The following CTDSPL2 variants were observed in gnomAD, a reference collection of about 807,000 sequenced individuals.
CTDSPL2 encodes the protein CTD small phosphatase-like protein 2.
CTDSPL2 carries 5 observed loss-of-function variants against 60.0 expected under a neutral mutation model. That is an observed-to-expected ratio of 0.08 (90% CI 0.04 to 0.18). The LOEUF is 0.18. Ranked by LOEUF, CTDSPL2 falls within the 10% of genes least tolerant of loss-of-function variation. CTDSPL2 has a pLI of 1.00. For missense variants in CTDSPL2, 370 were observed against 548.8 expected, an observed-to-expected ratio of 0.67 and a Z score of 3.26; for synonymous variants, 186 against 189.3, an observed-to-expected ratio of 0.98 and a Z score of 0.14.
chr15:44,442,489 T>C (rs1354755906), intron 1 of CTDSPL2, among the ~76,000 whole-genome samples: 1 of 151,764 alleles, frequency 6.6e-6, no homozygotes, highest in East Asian at 1.9e-4. Flanking sequence ...AGTCTGGAAT[T>C]AAGATGAAGT....
At chr15:44,479,661 G>A (rs1595741522) in intron 2 of CTDSPL2, among the ~76,000 whole-genome samples, 2 of 151,716 alleles carry the variant, frequency 1.3e-5, no homozygotes, top group Admixed American at 1.3e-4. Context: ...CTCCTGCCTC[G>A]ACCTCCCAAC....
chr15:44,512,766 G>T (rs550224968), intron 8 of CTDSPL2, among the ~76,000 whole-genome samples: 2 of 152,258 alleles, frequency 1.3e-5, no homozygotes, highest in South Asian at 2.1e-4. Flanking sequence ...TTGAGGAGGG[G>T]TATGTGGTTT....
chr15:44,495,223 G>A (rs1389081962), intron 5 of CTDSPL2, among the ~76,000 whole-genome samples: 2 of 152,176 alleles, frequency 1.3e-5, no homozygotes, highest in African/African-American at 2.4e-5. Context: ...GCCTGCCTTG[G>A]CCTCCCAAAG....
chr15:44,472,191 C>A (rs183295445), intron 2 of CTDSPL2, among the ~76,000 whole-genome samples: 1 of 152,004 alleles, frequency 6.6e-6, no homozygotes, highest in African/African-American at 2.4e-5. Flanking sequence ...ATCTGTTTTC[C>A]GTTGTCTTGG....
At chr15:44,519,361 C>T (rs2081716881) in intron 11 of CTDSPL2, 66 bp downstream of exon 11, 1 of 1,286,014 alleles carries the variant, frequency 7.8e-7, no homozygotes, top group East Asian at 2.7e-5. Flanking sequence ...TGCTGCCAAA[C>T]AGAATATGAT....
At chr15:44,523,439 C>A (rs1175343980) in intron 12 of CTDSPL2, among the ~76,000 whole-genome samples, 1 of 133,010 alleles carries the variant, frequency 7.5e-6, no homozygotes, top group Admixed American at 7.9e-5. Context: ...TACATACATA[C>A]ATACATAAGC....
chr15:44,504,317 T>G (rs1413440073), intron 8 of CTDSPL2, among the ~76,000 whole-genome samples: 1 of 151,996 alleles, frequency 6.6e-6, no homozygotes, highest in Non-Finnish European at 1.5e-5. Context: ...GCCACTGCAC[T>G]CCAGCCTGGG....
intron 1 of CTDSPL2, among the ~76,000 whole-genome samples, chr15:44,434,447 A>C (rs141071900): frequency 0.015 from 2,332 of 152,320 alleles, 25 homozygotes; most frequent in Non-Finnish European, 0.024. Context: ...AGGCTGGAGT[A>C]CAATGGCACA....
chr15:44,480,473 G>T (rs1339698808), intron 2 of CTDSPL2, among the ~76,000 whole-genome samples: 1 of 151,996 alleles, frequency 6.6e-6, no homozygotes, highest in Non-Finnish European at 1.5e-5. Context: ...GTTGCCCATG[G>T]GTTTTTCTTG....
intron 1 of CTDSPL2, among the ~76,000 whole-genome samples, chr15:44,454,859 G>T (rs192740305): frequency 6.6e-6 from 1 of 152,170 alleles, no homozygotes; most frequent in Non-Finnish European, 1.5e-5. Context: ...GTCAGGTAGC[G>T]TAATGCCTCC....
chr15:44,434,101 T>C (rs924716910), intron 1 of CTDSPL2, among the ~76,000 whole-genome samples: 2 of 152,068 alleles, frequency 1.3e-5, no homozygotes, highest in East Asian at 1.9e-4. Context: ...TTTATTTTTT[T>C]CTTAAGAGAT....
chr15:44,499,789 C>A lies in CTDSPL2; in HGVS notation c.945C>A (p.Val315=). 1 of 1,606,578 alleles carries A rather than the reference C, an allele frequency of 6.2e-7. No homozygotes were observed. Among genetic ancestry groups the A allele is most frequent in the South Asian group, 1.1e-5 (1 of 90,586 alleles). The change falls in exon 8 of 13, where the codon GTC becomes GTA. Residue 315 remains valine (V), a synonymous_variant. Transcript: ENST00000260327. ...ELEDAALTFP[V]LFQDVIYQVY... is the part of the protein sequence containing the mutation. ...AAGATGCAGCACTTACTTTTCCAGT[C>A]CTTTTCCAAGATGTCATTTATCAGG...
chr15:44,492,659 C>T (rs370892629), intron 5 of CTDSPL2, among the ~76,000 whole-genome samples: 6 of 152,160 alleles, frequency 3.9e-5, no homozygotes, highest in African/African-American at 7.2e-5. Flanking sequence ...GTAATACCAA[C>T]GTGAAGAGAC....
At position 44,483,882 on chromosome 15, in the gene CTDSPL2, C is replaced by G. The variant is rs189105483; in HGVS notation, c.187-342C>G. 1.8e-3 allele frequency among the ~76,000 whole-genome samples: 277 copies of G among 152,268 alleles called. 2 individuals carry two copies. The highest frequency in any genetic ancestry group is 6.4e-3 in the African/African-American group (264 of 41,540). On this transcript the variant is annotated intron_variant, in intron 2 of 12. Transcript: ENST00000260327. ...CCTGAGTTGCTTAAGGAAATTATCT[C>G]TGTTCTTAAGGACACTTCTAAAAAT... is the stretch of plus-strand genomic sequence containing the variant.
chr15:44,433,802 A>C (rs2079913405), intron 1 of CTDSPL2, among the ~76,000 whole-genome samples: 1 of 151,998 alleles, frequency 6.6e-6, no homozygotes, highest in Non-Finnish European at 1.5e-5. Context: ...ATACAAAAAA[A>C]ATTAGCTGGG....
chr15:44,521,773 C>T (rs1392312171), intron 12 of CTDSPL2, among the ~76,000 whole-genome samples: 3 of 150,802 alleles, frequency 2.0e-5, no homozygotes, highest in Non-Finnish European at 4.4e-5. Context: ...CCCGTCTCTA[C>T]TAAAAATACA....
At chr15:44,456,965 C>T (rs1281160716) in intron 1 of CTDSPL2, among the ~76,000 whole-genome samples, 3 of 151,594 alleles carry the variant, frequency 2.0e-5, no homozygotes, top group Middle Eastern at 6.3e-3. Flanking sequence ...CAGCCTCAAC[C>T]TCCTGGGCTT....
At chr15:44,458,907 A>G (rs1241153899) in intron 1 of CTDSPL2, 84 bp from the exon 2 acceptor site, 1 of 878,300 alleles carries the variant, frequency 1.1e-6, no homozygotes, top group Non-Finnish European at 1.6e-6. Context: ...TATTTTTATT[A>G]TATAAGCTGG....
intron 10 of CTDSPL2, chr15:44,516,864 C>CAG (rs10627036): frequency 0.67 from 101,071 of 151,738 alleles, 35,060 homozygotes; most frequent in African/African-American, 0.88. Flanking sequence ...TTGTTTGAAA[C>CAG]AGTCTTGCTC....
Sources: allele counts gnomAD v4.1 joint callset (sites outside exome capture counted in the v4.1 genomes callset), GRCh38; gene constraint gnomAD v4.1.1; transcripts MANE v1.5; gene names NCBI Gene and HGNC (gene_info 2026-07-23, HGNC 2026-07-21).